The following PALS2 variants were observed in gnomAD, a reference collection of about 807,000 sequenced individuals.
PALS2 encodes protein associated with LIN7 2, MAGUK p55 family member, also known as protein PALS2.
In PALS2, 27 loss-of-function variants were observed where a neutral mutation model predicts 61.6. That is an observed-to-expected ratio of 0.44 (90% CI 0.32 to 0.60). The LOEUF is 0.60. PALS2 is among the 20% of genes least tolerant of loss of function. The probability of loss-of-function intolerance (pLI) is 0.05; values close to 1 mark genes in which losing one functional copy is unlikely to be tolerated. For missense variants in PALS2, 554 were observed against 639.4 expected (o/e 0.87, Z 1.44); for synonymous variants, 236 against 218.6 (o/e 1.08, Z -0.70).
intron 5 of PALS2, among the ~76,000 whole-genome samples, chr7:24,657,955 A>G (rs983195392): frequency 1.3e-5 from 2 of 152,180 alleles, no homozygotes; most frequent in African/African-American, 4.8e-5. Flanking sequence ...TGTTGAAAAG[A>G]CTATTTCTTT....
Position 24,649,687 on chromosome 7 carries a change from T to A in PALS2, c.346T>A (p.Ser116Thr). The A allele has an allele frequency of 6.2e-7, 1 of 1,612,088 alleles. No individual in the cohort carries two copies. Among genetic ancestry groups the A allele is most frequent in the Non-Finnish European group, 8.5e-7 (1 of 1,179,096 alleles). The change falls in exon 4 of 12, where the codon TCT becomes ACT. Residue 116 changes from serine (S) to threonine (T), a missense_variant. Physicochemically the swap from Ser to Thr is moderately conservative, Grantham distance 58. Transcript: ENST00000222644. ...SPPSSPEMNNSSINNQLLPVD... is the reference protein window; with the variant it reads ...SPPSSPEMNNTSINNQLLPVD... ...TCCATCAAGCCCAGAAATGAATAAT[T>A]CTTCTATCAATAATCAGTTATTACC...
chr7:24,657,229 A>G (rs1786467017), intron 5 of PALS2, among the ~76,000 whole-genome samples: 1 of 152,220 alleles, frequency 6.6e-6, no homozygotes, highest in Admixed American at 6.5e-5. Context: ...AGTATATACC[A>G]GGGGTTGAAG....
chr7:24,666,671 A>G (rs1355843664), intron 8 of PALS2, among the ~76,000 whole-genome samples: 1 of 152,206 alleles, frequency 6.6e-6, no homozygotes, highest in Non-Finnish European at 1.5e-5. Context: ...CATTGTACAC[A>G]TTCATGAAAA....
chr7:24,609,113 T>C (rs1234880071), intron 1 of PALS2, among the ~76,000 whole-genome samples: 1 of 152,236 alleles, frequency 6.6e-6, no homozygotes, highest in Non-Finnish European at 1.5e-5. Context: ...TTTAGTTTGC[T>C]TAGTTTACCC....
At chr7:24,674,771 CTAAGA>C (rs1283748023) in intron 9 of PALS2, among the ~76,000 whole-genome samples, 9 of 151,948 alleles carry the variant, frequency 5.9e-5, no homozygotes, top group Admixed American at 3.3e-4. Flanking sequence ...CAAAATGATC[CTAAGA>C]TAAAATAGAA....
At chr7:24,578,551 CTCT>C (rs911620029) in intron 1 of PALS2, among the ~76,000 whole-genome samples, 3 of 152,208 alleles carry the variant, frequency 2.0e-5, no homozygotes, top group East Asian at 1.9e-4. Flanking sequence ...TATCGTTTCT[CTCT>C]TCTTCTCTGT....
At chr7:24,586,411 C>T (rs1053588374) in intron 1 of PALS2, among the ~76,000 whole-genome samples, 2 of 151,850 alleles carry the variant, frequency 1.3e-5, no homozygotes, top group East Asian at 1.9e-4. Context: ...TTTGATTCTG[C>T]GTAAGCAAGA....
intron 1 of PALS2, among the ~76,000 whole-genome samples, chr7:24,619,579 GT>G (rs1562617998): frequency 6.6e-6 from 1 of 151,910 alleles, no homozygotes; most frequent in African/African-American, 2.4e-5. Flanking sequence ...TTAGCTGGCC[GT>G]GGTGGTGGGT....
At chr7:24,635,938 G>A (rs1339822680) in intron 2 of PALS2, among the ~76,000 whole-genome samples, 1 of 152,016 alleles carries the variant, frequency 6.6e-6, no homozygotes, top group East Asian at 1.9e-4. Context: ...AAGGCCAGGC[G>A]CGGTGGCTCA....
At chr7:24,649,571 A>G in intron 3 of PALS2, 41 bp from the exon 4 acceptor site, 1 of 1,478,794 alleles carries the variant, frequency 6.8e-7, no homozygotes, top group Non-Finnish European at 9.0e-7. Context: ...AATTTCATCC[A>G]CATATCATAA....
intron 2 of PALS2, among the ~76,000 whole-genome samples, chr7:24,630,238 A>G (rs1418957300): frequency 5.9e-5 from 9 of 152,174 alleles, no homozygotes. Context: ...CAGAAAACCA[A>G]ACACCGCATG....
intron 6 of PALS2, among the ~76,000 whole-genome samples, chr7:24,664,177 T>C (rs1013452243): frequency 6.6e-6 from 1 of 152,182 alleles, no homozygotes; most frequent in Non-Finnish European, 1.5e-5. Flanking sequence ...GTCTATTTGC[T>C]CCCCTCTTCT....
chr7:24,632,534 G>A (rs1236272758), intron 2 of PALS2, among the ~76,000 whole-genome samples: 4 of 152,002 alleles, frequency 2.6e-5, no homozygotes, highest in Admixed American at 2.6e-4. Context: ...CAAGTAGCTG[G>A]GATTACAGGC....
At chr7:24,683,117 A>C (rs1470422772) in intron 11 of PALS2, among the ~76,000 whole-genome samples, 3 of 152,202 alleles carry the variant, frequency 2.0e-5, no homozygotes, top group Non-Finnish European at 4.4e-5. Context: ...TGGTTTTAGC[A>C]AACTTTATTG....
At chr7:24,608,373 T>G (rs1165732969) in intron 1 of PALS2, among the ~76,000 whole-genome samples, 2 of 152,202 alleles carry the variant, frequency 1.3e-5, no homozygotes, top group East Asian at 3.8e-4. Context: ...GTTTTCTGTG[T>G]CATTTAAACT....
At position 24,650,486 on chromosome 7, in the gene PALS2, G is replaced by A. The variant is rs1401690373; in HGVS notation, c.425G>A (p.Gly142Asp). ...GIHKRAGEPL[G>D]VTFRVENNDL... ...AAATCTGTTTCTTATTTTTCATAGG[G>A]TGTGACATTTAGGGTTGAAAATAAT... The change falls in exon 5 of 12, where the codon GGT (glycine) becomes GAT (aspartate). Residue 142 changes from glycine to aspartate, a missense_variant and splice_region_variant. Gly to Asp is a moderately conservative substitution (Grantham distance 94, BLOSUM62 -1). Coordinates refer to ENST00000222644, the MANE Select transcript of PALS2 (RefSeq NM_001303037.2). The A allele has an allele frequency of 6.3e-7, 1 of 1,585,060 alleles. No homozygotes were observed. The highest frequency in any genetic ancestry group is 8.6e-7 in the Non-Finnish European group (1 of 1,168,220).
chr7:24,690,425 C>T lies in PALS2; in HGVS notation c.*2811C>T, dbSNP rs754033567. ...AGCAATTGTTAAGAGTTGAAATAGACACACACATGCATGTGCTTTTGGGAA... is the reference window on the plus strand; with the variant it reads ...AGCAATTGTTAAGAGTTGAAATAGATACACACATGCATGTGCTTTTGGGAA... On this transcript the variant is annotated 3_prime_UTR_variant, in exon 12 of 12. Coordinates refer to ENST00000222644, the MANE Select transcript of PALS2 (RefSeq NM_001303037.2). The T allele has an allele frequency of 2.0e-5, 3 of 152,164 alleles. No individual in the cohort carries two copies. Among genetic ancestry groups the T allele is most frequent in the Admixed American group, 1.3e-4 (2 of 15,278 alleles). 9.4% of individuals were successfully genotyped at this position (152,164 alleles called of 1,614,324 possible).
chr7:24,603,860 T>A (rs138175915), intron 1 of PALS2, among the ~76,000 whole-genome samples: 110 of 151,914 alleles, frequency 7.2e-4, no homozygotes, highest in African/African-American at 2.4e-3. Flanking sequence ...GAAAAAAAAA[T>A]AATAAATCTA....
intron 1 of PALS2, among the ~76,000 whole-genome samples, chr7:24,599,821 A>G (rs1030658451): frequency 1.3e-5 from 2 of 151,870 alleles, no homozygotes; most frequent in Non-Finnish European, 2.9e-5. Context: ...GCTTTTTTCT[A>G]TTAATTTTTT....
Sources: gnomAD v4.1 joint callset for allele counts (sites outside exome capture counted in the v4.1 genomes callset) on GRCh38, gnomAD v4.1.1 for gene constraint, MANE v1.5 for transcripts, NCBI Gene and HGNC (gene_info 2026-07-23, HGNC 2026-07-21) for gene names.